Variants in ATRX observed in about 807,000 individuals in gnomAD.
The protein encoded by ATRX is ATRX chromatin remodeler, also known as chromatin remodeler ATRX.
A neutral mutation model predicts 172.6 loss-of-function variants in ATRX; 12 were observed. The ratio of observed to expected loss-of-function variants is 0.07; its 90% CI spans 0.04 to 0.11. The LOEUF (loss-of-function observed/expected upper bound fraction) is 0.11. Ranked by LOEUF, ATRX falls within the 10% of genes least tolerant of loss-of-function variation. ATRX has a pLI of 1.00. For synonymous variants in ATRX, 674 were observed against 594.7 expected (o/e 1.13, Z -1.94); for missense variants, 1,368 against 1,767.4 (o/e 0.77, Z 4.05).
At chrX:77,659,473 T>TTC (rs1408267975) in intron 12 of ATRX, among the ~76,000 whole-genome samples, 5 of 78,219 alleles carry the variant, frequency 6.4e-5, no homozygotes, top group Non-Finnish European at 1.2e-4. Flanking sequence ...CTTTTTTTCT[T>TTC]TCTCTCTCTA....
At chrX:77,583,485 T>C (rs782019682) in intron 27 of ATRX, among the ~76,000 whole-genome samples, 6 of 110,669 alleles carry the variant, frequency 5.4e-5, no homozygotes, top group Non-Finnish European at 7.6e-5. Context: ...GATCACGCCA[T>C]TGCATTCCAG....
At chrX:77,578,172 G>A (rs937333826) in intron 27 of ATRX, among the ~76,000 whole-genome samples, 2 of 111,532 alleles carry the variant, frequency 1.8e-5, no homozygotes, top group Admixed American at 1.9e-4. Context: ...AGTAAGTCAC[G>A]CCACAGTGGG....
Position 77,693,842 on chromosome X carries a change from T to A in ATRX, c.466A>T (p.Asn156Tyr). Residue 156 changes from asparagine to tyrosine, a missense_variant, in exon 6 of 35, where the codon AAT becomes TAT. Coordinates refer to ENST00000373344, the MANE Select transcript of ATRX (RefSeq NM_000489.6). ...FRSRSKMKTE[N>Y]LKKRGEDGLH... is the part of the protein sequence containing the mutation. ...TATTTACCTCCGCGTTTTTTGAGAT[T>A]TTCAGTTTTCATTTTACTTCTGCTT... is the stretch of plus-strand genomic sequence containing the variant. 6.6e-6 allele frequency: 8 copies of A among 1,208,353 alleles called. No homozygotes were observed. The highest frequency in any genetic ancestry group is 9.0e-6 in the Non-Finnish European group (8 of 892,698).
chrX:77,517,030 G>A (rs782125992), intron 34 of ATRX, among the ~76,000 whole-genome samples: 44 of 109,076 alleles, frequency 4.0e-4, no homozygotes, highest in African/African-American at 1.3e-3. Context: ...TTCTTAAAAC[G>A]AATGATAAAG....
At chrX:77,742,176 G>A (rs2074902849) in intron 1 of ATRX, among the ~76,000 whole-genome samples, 1 of 111,666 alleles carries the variant, frequency 9.0e-6, no homozygotes. Flanking sequence ...AAGAAGAAAA[G>A]GCAGTAAGTT....
At chrX:77,537,805 A>G (rs1557048970) in intron 30 of ATRX, among the ~76,000 whole-genome samples, 3 of 112,250 alleles carry the variant, frequency 2.7e-5, no homozygotes. Flanking sequence ...TATGGCTGTC[A>G]TAACTTTGGA....
intron 15 of ATRX, among the ~76,000 whole-genome samples, chrX:77,647,481 C>A (rs1235645505): frequency 9.0e-6 from 1 of 111,705 alleles, no homozygotes; most frequent in Admixed American, 9.5e-5. Context: ...AAAGCAAATA[C>A]AGCAACATGT....
intron 4 of ATRX, among the ~76,000 whole-genome samples, chrX:77,697,332 G>A (rs1238430276): frequency 9.0e-6 from 1 of 111,059 alleles, no homozygotes; most frequent in Non-Finnish European, 1.9e-5. Context: ...TATTGCAAGG[G>A]CCACTAATAT....
chrX:77,668,836 G>C (rs2070394656), intron 10 of ATRX, among the ~76,000 whole-genome samples: 1 of 105,360 alleles, frequency 9.5e-6, no homozygotes, highest in South Asian at 4.2e-4. Context: ...AAGCAATCGG[G>C]GAAAAAAAAA....
rs183063606 is a variant in ATRX, at chrX:77,526,772, G to A, written c.6700-3371C>T. ...ACTATTTTACCATTTTCATCTTCAGGAGACACTTATTTTGAGAAACGCCAT... is the reference window on the plus strand; with the variant it reads ...ACTATTTTACCATTTTCATCTTCAGAAGACACTTATTTTGAGAAACGCCAT... On this transcript the variant is annotated intron_variant, in intron 30 of 34. Transcript: ENST00000373344. Among the ~76,000 whole-genome samples, 269 of 111,870 alleles carry A rather than the reference G, an allele frequency of 2.4e-3. 1 individual carries two copies. Among genetic ancestry groups the A allele is most frequent in the African/African-American group, 8.4e-3 (257 of 30,772 alleles).
intron 1 of ATRX, among the ~76,000 whole-genome samples, chrX:77,769,364 C>T (rs1603338014): frequency 9.3e-6 from 1 of 107,936 alleles, no homozygotes; most frequent in Non-Finnish European, 1.9e-5. Context: ...CTCACTGCAA[C>T]CTCCACCTCC....
intron 28 of ATRX, among the ~76,000 whole-genome samples, chrX:77,565,116 C>A (rs1409804851): frequency 9.0e-6 from 1 of 111,661 alleles, no homozygotes; most frequent in Non-Finnish European, 1.9e-5. Context: ...TGGAGGCCAT[C>A]TGGAAAGAAG....
intron 1 of ATRX, among the ~76,000 whole-genome samples, chrX:77,771,621 C>G (rs1460174097): frequency 9.1e-6 from 1 of 109,591 alleles, no homozygotes; most frequent in African/African-American, 3.3e-5. Flanking sequence ...AAAATACTTG[C>G]TATCAACTCT....
intron 27 of ATRX, among the ~76,000 whole-genome samples, chrX:77,576,337 T>C (rs1189294680): frequency 9.0e-6 from 1 of 110,990 alleles, no homozygotes; most frequent in Non-Finnish European, 1.9e-5. Context: ...TAATAAAATG[T>C]ATAGTGATAA....
intron 2 of ATRX, chrX:77,698,982 T>C (rs1296665604): frequency 4.9e-6 from 1 of 203,988 alleles, no homozygotes; most frequent in Non-Finnish European, 9.0e-6. Flanking sequence ...CATTTTACCA[T>C]AAAATACTGG....
chrX:77,657,157 G>T (rs1415452073), intron 12 of ATRX, among the ~76,000 whole-genome samples: 2 of 111,044 alleles, frequency 1.8e-5, no homozygotes, highest in African/African-American at 6.6e-5. Context: ...GGAGAGAGCT[G>T]TGAGGGCGTA....
chrX:77,710,833 G>A (rs1364962335), intron 2 of ATRX, among the ~76,000 whole-genome samples: 1 of 110,594 alleles, frequency 9.0e-6, no homozygotes, highest in Non-Finnish European at 1.9e-5. Context: ...ATTATAAAAT[G>A]CCAAGATGAG....
At chrX:77,513,316 CAAAAAAAAAAAAA>C (rs1217104194) in intron 34 of ATRX, among the ~76,000 whole-genome samples, 1 of 25,664 alleles carries the variant, frequency 3.9e-5, no homozygotes, top group Non-Finnish European at 5.9e-5. Flanking sequence ...GACTCCGTCT[CAAAAAAAAAAAAA>C]AAAAAAAAAA....
At chrX:77,675,025 G>A (rs1281462732) in intron 10 of ATRX, 1 of 112,039 alleles carries the variant, frequency 8.9e-6, no homozygotes, top group Non-Finnish European at 1.9e-5. Context: ...ACATTCTTCT[G>A]TTAATTAGCA....
Sources: gnomAD v4.1 joint callset for allele counts (sites outside exome capture counted in the v4.1 genomes callset) on GRCh38, gnomAD v4.1.1 for gene constraint, MANE v1.5 for transcripts, NCBI Gene and HGNC (gene_info 2026-07-23, HGNC 2026-07-21) for gene names.